Variants in TSPEAR observed in about 807,000 individuals in gnomAD.
The protein encoded by TSPEAR is thrombospondin type laminin G domain and EAR repeats.
In TSPEAR, 69 loss-of-function variants were observed where a neutral mutation model predicts 71.6. The ratio of observed to expected loss-of-function variants is 0.96; its 90% CI spans 0.79 to 1.18. The LOEUF is 1.18. Among genes scored for constraint, TSPEAR ranks in the 50% most tolerant of loss-of-function variants. The pLI is 0.00. For missense variants in TSPEAR, 971 were observed against 894.9 expected, an observed-to-expected ratio of 1.09 and a Z score of -1.09; for synonymous variants, 402 against 387.2, an observed-to-expected ratio of 1.04 and a Z score of -0.45.
chr21:44,545,352 A>T (rs1447274273), intron 2 of TSPEAR, among the ~76,000 whole-genome samples: 1 of 152,146 alleles, frequency 6.6e-6, no homozygotes, highest in East Asian at 1.9e-4. Flanking sequence ...AATTAAAAAA[A>T]AAAGAATTAA....
At chr21:44,609,297 C>T (rs782681316) in intron 1 of TSPEAR, among the ~76,000 whole-genome samples, 9 of 152,218 alleles carry the variant, frequency 5.9e-5, no homozygotes, top group Non-Finnish European at 1.2e-4. Flanking sequence ...TTATATCCAG[C>T]TAAGCTATCA....
chr21:44,505,363 G>A (rs1028587677), intron 10 of TSPEAR, among the ~76,000 whole-genome samples: 19 of 152,084 alleles, frequency 1.2e-4, no homozygotes, highest in African/African-American at 4.3e-4. Context: ...ACAGGCATGA[G>A]CCACCATGCC....
At chr21:44,706,851 C>A (rs1987951435) in intron 1 of TSPEAR, among the ~76,000 whole-genome samples, 1 of 152,194 alleles carries the variant, frequency 6.6e-6, no homozygotes, top group African/African-American at 2.4e-5. Context: ...TCGCCAGAGC[C>A]TCCTACGCAG....
In TSPEAR at chr21:44,558,379, C is replaced by T. The variant is rs781793784; in HGVS notation, c.303+9406G>A. ...TTGCAGCAGACAGGCTTGCAGCAGA[C>T]GGGCACACAGCAGACTGGCTTGCAG... On this transcript the variant is annotated intron_variant, in intron 2 of 11. Coordinates refer to ENST00000323084, the MANE Select transcript of TSPEAR (RefSeq NM_144991.3). The T allele has an allele frequency of 1.0e-4, 161 of 1,613,282 alleles. No individual in the cohort carries two copies. Among genetic ancestry groups the T allele is most frequent in the Non-Finnish European group, 1.3e-4 (148 of 1,179,634 alleles).
In TSPEAR at chr21:44,551,038, G is replaced by A. The variant is rs201944330; in HGVS notation, c.303+16747C>T. 1.1e-3 allele frequency: 1,716 copies of A among 1,606,652 alleles called. 2 individuals carry two copies. The highest frequency in any genetic ancestry group is 1.4e-3 in the Admixed American group (84 of 59,352). On this transcript the variant is annotated intron_variant, in intron 2 of 11. Transcript: ENST00000323084. ...ACAGCTTTGCAGCAGACAGGCACAC[G>A]GCAGGACTGCTGGCAGGAGGAAGAG... is the stretch of plus-strand genomic sequence containing the variant.
At chr21:44,665,883 C>T (rs1985725950) in intron 1 of TSPEAR, among the ~76,000 whole-genome samples, 2 of 152,224 alleles carry the variant, frequency 1.3e-5, no homozygotes, top group African/African-American at 2.4e-5. Context: ...ATTGTCAATG[C>T]TCTGAGGCTT....
At chr21:44,552,729 A>C (rs1555919259) in intron 2 of TSPEAR, among the ~76,000 whole-genome samples, 1 of 152,162 alleles carries the variant, frequency 6.6e-6, no homozygotes, top group Non-Finnish European at 1.5e-5. Flanking sequence ...ACGTGGGATA[A>C]ACTCACAGCC....
rs974102355 is a variant in TSPEAR at position 44,656,430 on chromosome 21, T to A, written c.82+55003A>T. ...TTACCTCAACATGTTTTGAAGGATT[T>A]TTTTCATAGGTATAGAATTCTGGGT... On this transcript the variant is annotated intron_variant, in intron 1 of 11. Coordinates refer to ENST00000323084, the MANE Select transcript of TSPEAR (RefSeq NM_144991.3). Among the ~76,000 whole-genome samples the A allele has an allele frequency of 5.9e-5, 9 of 151,936 alleles. No individual in the cohort carries two copies. The East Asian group carries it at 1.7e-3, about 29-fold the overall frequency.
At chr21:44,562,664 C>G (rs973872734) in intron 2 of TSPEAR, among the ~76,000 whole-genome samples, 1 of 152,070 alleles carries the variant, frequency 6.6e-6, no homozygotes, top group Non-Finnish European at 1.5e-5. Context: ...AGAAGAGCAA[C>G]AGTTCACTTC....
intron 1 of TSPEAR, among the ~76,000 whole-genome samples, chr21:44,628,725 T>G (rs1601505654): frequency 2.9e-5 from 4 of 137,030 alleles, no homozygotes; most frequent in African/African-American, 5.7e-5. Context: ...TGCTGGGAGG[T>G]GGGAGACGGG....
intron 1 of TSPEAR, chr21:44,579,656 A>G: frequency 4.2e-6 from 6 of 1,421,078 alleles, no homozygotes; most frequent in Non-Finnish European, 5.7e-6. Context: ...ACCTCAGCAC[A>G]TGGGGGCCCC....
At chr21:44,638,772 T>C (rs1555937863) in intron 1 of TSPEAR, among the ~76,000 whole-genome samples, 1 of 151,728 alleles carries the variant, frequency 6.6e-6, no homozygotes, top group Non-Finnish European at 1.5e-5. Flanking sequence ...CGGGACAAAG[T>C]GGACCCTGGC....
chr21:44,610,693 G>A (rs587762017), intron 1 of TSPEAR, among the ~76,000 whole-genome samples: 36 of 152,310 alleles, frequency 2.4e-4, no homozygotes, highest in African/African-American at 8.2e-4. Flanking sequence ...CAGAATGGTA[G>A]ATCTATTGAC....
chr21:44,549,590 G>A (rs895086111), intron 2 of TSPEAR, among the ~76,000 whole-genome samples: 10 of 152,202 alleles, frequency 6.6e-5, no homozygotes, highest in African/African-American at 2.4e-4. Flanking sequence ...GGCCTCTTGC[G>A]GGCAACGTGG....
chr21:44,513,285 C>T (rs587648455), intron 9 of TSPEAR, among the ~76,000 whole-genome samples: 12 of 152,284 alleles, frequency 7.9e-5, no homozygotes, highest in South Asian at 2.1e-4. Context: ...CTGCTGAAGC[C>T]GGGGCCTTCT....
At chr21:44,511,579 C>G (rs2052379967) in intron 9 of TSPEAR, among the ~76,000 whole-genome samples, 1 of 152,014 alleles carries the variant, frequency 6.6e-6, no homozygotes, top group Admixed American at 6.5e-5. Context: ...TGCAGGCACA[C>G]CCATGCATCC....
rs201945331 is a variant in TSPEAR, at chr21:44,574,924, C to G, written c.83-6919G>C. Reference sequence around the variant, plus strand: ...TGTGCTCCCACCTCCTCCTGCCAACCCAGCTGCTGCCGCCCAGCCTCCTGC... The same window carrying G: ...TGTGCTCCCACCTCCTCCTGCCAACGCAGCTGCTGCCGCCCAGCCTCCTGC... On this transcript the variant is annotated intron_variant, in intron 1 of 11. Coordinates refer to ENST00000323084, the MANE Select transcript of TSPEAR (RefSeq NM_144991.3). 1,607 of 1,612,272 alleles carry G rather than the reference C, an allele frequency of 1.0e-3. 9 individuals are homozygous for G. Among genetic ancestry groups the G allele is most frequent in the East Asian group, 5.3e-3 (239 of 44,868 alleles).
chr21:44,591,165 A>C, intron 1 of TSPEAR: 1 of 726,054 alleles, frequency 1.4e-6, no homozygotes, highest in South Asian at 1.9e-5. Flanking sequence ...GGGTGGAACC[A>C]GGCCTGCTGG....
At chr21:44,709,120 C>CA (rs1569272922) in intron 1 of TSPEAR, among the ~76,000 whole-genome samples, 2 of 151,986 alleles carry the variant, frequency 1.3e-5, no homozygotes, top group African/African-American at 4.8e-5. Context: ...CCCAGCCCCC[C>CA]AGAGCCCACC....
Sources: allele counts gnomAD v4.1 joint callset (sites outside exome capture counted in the v4.1 genomes callset), GRCh38; gene constraint gnomAD v4.1.1; transcripts MANE v1.5; gene names NCBI Gene and HGNC (gene_info 2026-07-23, HGNC 2026-07-21).